Variants in OLIG2 observed in about 807,000 individuals in gnomAD.
OLIG2 encodes the protein oligodendrocyte transcription factor 2.
A neutral mutation model predicts 13.4 loss-of-function variants in OLIG2; 12 were observed. That is an observed-to-expected ratio of 0.90 (90% confidence interval 0.58 to 1.46). OLIG2 has a LOEUF of 1.46. Among genes scored for constraint, OLIG2 ranks in the 40% most tolerant of loss-of-function variants. The probability of loss-of-function intolerance (pLI) is 0.00; values close to 1 mark genes in which losing one functional copy is unlikely to be tolerated. For missense variants in OLIG2, 415 were observed against 487.9 expected, an observed-to-expected ratio of 0.85 and a Z score of 1.41; for synonymous variants, 250 against 233.6, an observed-to-expected ratio of 1.07 and a Z score of -0.64.
chr21:33,027,664 G>A lies in OLIG2; in HGVS notation c.802G>A (p.Ala268Thr). The A allele has an allele frequency of 3.6e-6, 5 of 1,396,272 alleles. No individual in the cohort carries two copies. Among genetic ancestry groups the A allele is most frequent in the Non-Finnish European group, 3.7e-6 (4 of 1,083,862 alleles). The allele number at this position is 1,396,272 out of a possible 1,614,324, so 86.5% of individuals were successfully genotyped here. The change falls in exon 2 of 2, where the codon GCG becomes ACG. Residue 268 changes from alanine to threonine, a missense_variant. Physicochemically the swap from Ala to Thr is moderately conservative, Grantham distance 58. This residue lies in a region of OLIG2 where 243 missense variants were observed against 241.2 expected (regional missense o/e 1.01). Transcript: ENST00000382357. ...CCTACTCAAGTCTCCGTCTGCTGCC[G>A]CGGCCGCCCCGCTGGGGGGCGGGGG... ...HGLLKSPSAA[A>T]AAPLGGGGGG...
rs1169868725 is a variant in OLIG2 at position 33,028,398 on chromosome 21, T to C, written c.*564T>C. 3 of 239,146 alleles carry C rather than the reference T, an allele frequency of 1.3e-5. No individual in the cohort carries two copies. Among genetic ancestry groups the C allele is most frequent in the Admixed American group, 5.7e-5 (1 of 17,490 alleles). 14.8% of individuals were successfully genotyped at this position (239,146 alleles called of 1,614,324 possible). On this transcript the variant is annotated 3_prime_UTR_variant, in exon 2 of 2. Coordinates refer to ENST00000382357, the MANE Select transcript of OLIG2 (RefSeq NM_005806.4). The stretch of plus-strand genomic sequence containing the variant: ...CCCAAGGCCAGGGGCCACAAGTTAG[T>C]TGGAAGCCGGCGTTCGGTATCAGAA...
In OLIG2 at chr21:33,026,738, C is replaced by G. The variant is rs1221659771; in HGVS notation, c.-62-63C>G. The G allele has an allele frequency of 4.6e-5, 41 of 900,774 alleles. No individual in the cohort carries two copies. The highest frequency in any genetic ancestry group is 5.9e-5 in the Non-Finnish European group (39 of 665,490). 55.8% of individuals were successfully genotyped at this position (900,774 alleles called of 1,614,324 possible). A position where few individuals can be genotyped will look rare whatever the true frequency, so the allele number is the denominator to read the frequency against. On this transcript the variant is annotated intron_variant, in intron 1 of 1. Coordinates refer to ENST00000382357, the MANE Select transcript of OLIG2 (RefSeq NM_005806.4). This position sits in a 1 kb window ranked among gnomAD's most constrained non-coding sequence, Gnocchi z 6.6. Reference sequence around the variant, plus strand: ...AGCTTTTCTGTCTCTCACTGACTCACTCTCTCTCTCTCTCCCTCTCTCTCT... The same window carrying G: ...AGCTTTTCTGTCTCTCACTGACTCAGTCTCTCTCTCTCTCCCTCTCTCTCT...
At position 33,027,674 on chromosome 21, in the gene OLIG2, C is replaced by T; in HGVS notation, c.812C>T (p.Pro271Leu). 2.9e-6 allele frequency: 4 copies of T among 1,380,000 alleles called. No homozygotes were observed. Among genetic ancestry groups the T allele is most frequent in the Non-Finnish European group, 3.7e-6 (4 of 1,075,370 alleles). 85.5% of individuals were successfully genotyped at this position (1,380,000 alleles called of 1,614,324 possible). A position where few individuals can be genotyped will look rare whatever the true frequency, so the allele number is the denominator to read the frequency against. Residue 271 changes from proline to leucine, a missense_variant, in exon 2 of 2, where the codon CCG becomes CTG. This residue lies in a region of OLIG2 where 243 missense variants were observed against 241.2 expected (regional missense o/e 1.01). Coordinates refer to ENST00000382357, the MANE Select transcript of OLIG2 (RefSeq NM_005806.4). Reference sequence around the variant, plus strand: ...TCTCCGTCTGCTGCCGCGGCCGCCCCGCTGGGGGGCGGGGGCGGCGGCAGT... The same window carrying T: ...TCTCCGTCTGCTGCCGCGGCCGCCCTGCTGGGGGGCGGGGGCGGCGGCAGT... ...LKSPSAAAAAPLGGGGGGSGA... is the reference protein window; with the variant it reads ...LKSPSAAAAALLGGGGGGSGA...
Position 33,027,120 on chromosome 21 carries a change from G to A in OLIG2, c.258G>A (p.Thr86=), listed in dbSNP as rs746950233. Residue 86 remains threonine, a synonymous_variant, in exon 2 of 2, where the codon ACG becomes ACA. Transcript: ENST00000382357. ...KSSSSSTSSS[T]SSAAASSTKK... is the part of the protein sequence containing the mutation. Reference sequence around the variant, plus strand: ...CCTCGTCCAGCACCTCGTCGTCTACGTCGTCGGCGGCTGCGTCGTCCACCA... The same window carrying A: ...CCTCGTCCAGCACCTCGTCGTCTACATCGTCGGCGGCTGCGTCGTCCACCA... The A allele has an allele frequency of 5.0e-6, 8 of 1,611,348 alleles. No homozygotes were observed. Among genetic ancestry groups the A allele is most frequent in the Non-Finnish European group, 6.8e-6 (8 of 1,179,076 alleles).
At position 33,027,913 on chromosome 21, in the gene OLIG2, G is replaced by C. The variant is rs980458397; in HGVS notation, c.*79G>C. 7.6e-6 allele frequency: 10 copies of C among 1,314,936 alleles called. No individual in the cohort carries two copies. The Admixed American group carries it at 3.3e-4, about 44-fold the overall frequency. The allele number at this position is 1,314,936 out of a possible 1,614,324, so 81.5% of individuals were successfully genotyped here. On this transcript the variant is annotated 3_prime_UTR_variant, in exon 2 of 2. Transcript: ENST00000382357. ...GCGAGGACTGGCCTGCGCTGGGCTC[G>C]GGAGCTCTGTCGCGAGGAGGGGCGC...
At position 33,026,885 on chromosome 21, in the gene OLIG2, T is replaced by C; in HGVS notation, c.23T>C (p.Val8Ala). MDSDASL[V>A]SSRPSSPEPD... is the part of the protein sequence containing the mutation. Reference sequence around the variant, plus strand: ...GCCATGGACTCGGACGCCAGCCTGGTGTCCAGCCGCCCGTCGTCGCCAGAG... The same window carrying C: ...GCCATGGACTCGGACGCCAGCCTGGCGTCCAGCCGCCCGTCGTCGCCAGAG... Residue 8 changes from valine (V) to alanine (A), a missense_variant, in exon 2 of 2, where the codon GTG becomes GCG. By Grantham distance (64) the Val-to-Ala change is moderately conservative. Coordinates refer to ENST00000382357, the MANE Select transcript of OLIG2 (RefSeq NM_005806.4). The surrounding 1 kb of genome is among the most constrained non-coding windows in gnomAD (Gnocchi z 6.6). The C allele has an allele frequency of 6.2e-7, 1 of 1,610,544 alleles. No individual in the cohort carries two copies.
chr21:33,026,741 TCTCTCTCTCTCC>T lies in OLIG2; in HGVS notation c.-62-48_-62-37del. The T allele has an allele frequency of 7.9e-7, 1 of 1,271,776 alleles. No individual in the cohort carries two copies. The allele number at this position is 1,271,776 out of a possible 1,614,324, so 78.8% of individuals were successfully genotyped here. On this transcript the variant is annotated intron_variant, in intron 1 of 1. Transcript: ENST00000382357. This position sits in a 1 kb window ranked among gnomAD's most constrained non-coding sequence, Gnocchi z 6.6. ...TTTTCTGTCTCTCACTGACTCACTC[TCTCTCTCTCTCC>T]CTCTCTCTCTCTCTCATTCTCTCTC...
Position 33,026,754 on chromosome 21 carries a change from CT to C in OLIG2, c.-62-46del. 1.0e-6 allele frequency: 1 copy of C among 964,352 alleles called. No individual in the cohort carries two copies. Among genetic ancestry groups the C allele is most frequent in the African/African-American group, 1.6e-5 (1 of 60,692 alleles). 59.7% of individuals were successfully genotyped at this position (964,352 alleles called of 1,614,324 possible). A position where few individuals can be genotyped will look rare whatever the true frequency, so the allele number is the denominator to read the frequency against. ...ACTGACTCACTCTCTCTCTCTCTCC[CT>C]CTCTCTCTCTCTCATTCTCTCTCTT... is the stretch of plus-strand genomic sequence containing the variant. On this transcript the variant is annotated intron_variant, in intron 1 of 1. Transcript: ENST00000382357. The surrounding 1 kb of genome is among the most constrained non-coding windows in gnomAD (Gnocchi z 6.6).
chr21:33,027,961 G>C lies in OLIG2; in HGVS notation c.*127G>C, dbSNP rs1478719866. 9.2e-7 allele frequency: 1 copy of C among 1,085,160 alleles called. No homozygotes were observed. Among genetic ancestry groups the C allele is most frequent in the African/African-American group, 1.7e-5 (1 of 60,232 alleles). The allele number at this position is 1,085,160 out of a possible 1,614,324, so 67.2% of individuals were successfully genotyped here. A position where few individuals can be genotyped will look rare whatever the true frequency, so the allele number is the denominator to read the frequency against. On this transcript the variant is annotated 3_prime_UTR_variant, in exon 2 of 2. Coordinates refer to ENST00000382357, the MANE Select transcript of OLIG2 (RefSeq NM_005806.4). Reference sequence around the variant, plus strand: ...CGCAGGACCATGGACTGGGGGTGGGGCATGGTGGGGATTCCAGCATCTGCG... The same window carrying C: ...CGCAGGACCATGGACTGGGGGTGGGCCATGGTGGGGATTCCAGCATCTGCG...
chr21:33,027,881 C>A lies in OLIG2; in HGVS notation c.*47C>A. 1 of 1,353,834 alleles carries A rather than the reference C, an allele frequency of 7.4e-7. No individual in the cohort carries two copies. The highest frequency in any genetic ancestry group is 9.5e-7 in the Non-Finnish European group (1 of 1,057,734). 83.9% of individuals were successfully genotyped at this position (1,353,834 alleles called of 1,614,324 possible). ...CTGGCGACAGGGGAGCCAGGGGCCG[C>A]GGGGAAGCGAGGACTGGCCTGCGCT... On this transcript the variant is annotated 3_prime_UTR_variant, in exon 2 of 2. Transcript: ENST00000382357.
In OLIG2 at chr21:33,027,449, C is replaced by G; in HGVS notation, c.587C>G (p.Ala196Gly). The G allele has an allele frequency of 6.7e-7, 1 of 1,495,142 alleles. No homozygotes were observed. Among genetic ancestry groups the G allele is most frequent in the South Asian group, 1.3e-5 (1 of 77,662 alleles). 92.6% of individuals were successfully genotyped at this position (1,495,142 alleles called of 1,614,324 possible). A position where few individuals can be genotyped will look rare whatever the true frequency, so the allele number is the denominator to read the frequency against. ...PSACGGLAHS[A>G]PLPAATAHPA... ...GCCTGCGGCGGCCTGGCGCACTCCG[C>G]GCCCCTGCCCGCCGCCACCGCGCAC... The change falls in exon 2 of 2, where the codon GCG (alanine) becomes GGG (glycine). Residue 196 changes from alanine (A) to glycine (G), a missense_variant. Coordinates refer to ENST00000382357, the MANE Select transcript of OLIG2 (RefSeq NM_005806.4).
Position 33,026,650 on chromosome 21 carries a change from C to G in OLIG2, c.-62-151C>G. On this transcript the variant is annotated intron_variant, in intron 1 of 1. Coordinates refer to ENST00000382357, the MANE Select transcript of OLIG2 (RefSeq NM_005806.4). This position sits in a 1 kb window ranked among gnomAD's most constrained non-coding sequence, Gnocchi z 6.6. ...GGGCCAGAGATAGTAGCGAGGGGGA[C>G]GAGGAGCCACGGGCCACCTGTGCCG... 1 of 610,458 alleles carries G rather than the reference C, an allele frequency of 1.6e-6. No individual in the cohort carries two copies. The highest frequency in any genetic ancestry group is 2.9e-6 in the Non-Finnish European group (1 of 349,780). 37.8% of individuals were successfully genotyped at this position (610,458 alleles called of 1,614,324 possible). A position where few individuals can be genotyped will look rare whatever the true frequency, so the allele number is the denominator to read the frequency against.
In OLIG2 at chr21:33,028,548, C is replaced by T. The variant is rs773540716; in HGVS notation, c.*714C>T. 4.1e-6 allele frequency: 1 copy of T among 241,678 alleles called. No homozygotes were observed. The highest frequency in any genetic ancestry group is 8.8e-6 in the Non-Finnish European group (1 of 114,088). The allele number at this position is 241,678 out of a possible 1,614,324, so 15.0% of individuals were successfully genotyped here. A position where few individuals can be genotyped will look rare whatever the true frequency, so the allele number is the denominator to read the frequency against. On this transcript the variant is annotated 3_prime_UTR_variant, in exon 2 of 2. Coordinates refer to ENST00000382357, the MANE Select transcript of OLIG2 (RefSeq NM_005806.4). ...GTTTTCTAATAAATCTGTGGATGTT[C>T]CTTCTTCAACAGTATGAGCAAGTTT...
chr21:33,026,729 A>C lies in OLIG2; in HGVS notation c.-62-72A>C. The C allele has an allele frequency of 8.8e-7, 1 of 1,135,804 alleles. No homozygotes were observed. The highest frequency in any genetic ancestry group is 1.2e-6 in the Non-Finnish European group (1 of 823,188). 70.4% of individuals were successfully genotyped at this position (1,135,804 alleles called of 1,614,324 possible). A position where few individuals can be genotyped will look rare whatever the true frequency, so the allele number is the denominator to read the frequency against. ...GGCGGGAGCAGCTTTTCTGTCTCTC[A>C]CTGACTCACTCTCTCTCTCTCTCCC... On this transcript the variant is annotated intron_variant, in intron 1 of 1. Coordinates refer to ENST00000382357, the MANE Select transcript of OLIG2 (RefSeq NM_005806.4). This position sits in a 1 kb window ranked among gnomAD's most constrained non-coding sequence, Gnocchi z 6.6.
chr21:33,027,850 C>T lies in OLIG2; in HGVS notation c.*16C>T. 2.2e-6 allele frequency: 3 copies of T among 1,373,064 alleles called. No individual in the cohort carries two copies. Among genetic ancestry groups the T allele is most frequent in the Non-Finnish European group, 1.9e-6 (2 of 1,069,884 alleles). 85.1% of individuals were successfully genotyped at this position (1,373,064 alleles called of 1,614,324 possible). A position where few individuals can be genotyped will look rare whatever the true frequency, so the allele number is the denominator to read the frequency against. ...CGCCAAGTGAGCCGACTGGCGCCGGCGCGTTCTGGCGACAGGGGAGCCAGG... is the reference window on the plus strand; with the variant it reads ...CGCCAAGTGAGCCGACTGGCGCCGGTGCGTTCTGGCGACAGGGGAGCCAGG... On this transcript the variant is annotated 3_prime_UTR_variant, in exon 2 of 2. Coordinates refer to ENST00000382357, the MANE Select transcript of OLIG2 (RefSeq NM_005806.4).
At position 33,027,935 on chromosome 21, in the gene OLIG2, G is replaced by T. The variant is rs1208123360; in HGVS notation, c.*101G>T. 7.9e-7 allele frequency: 1 copy of T among 1,264,816 alleles called. No homozygotes were observed. Among genetic ancestry groups the T allele is most frequent in the African/African-American group, 1.6e-5 (1 of 63,576 alleles). 78.3% of individuals were successfully genotyped at this position (1,264,816 alleles called of 1,614,324 possible). On this transcript the variant is annotated 3_prime_UTR_variant, in exon 2 of 2. Transcript: ENST00000382357. The stretch of plus-strand genomic sequence containing the variant: ...CTCGGGAGCTCTGTCGCGAGGAGGG[G>T]CGCAGGACCATGGACTGGGGGTGGG...
rs768137245 is a variant in OLIG2, at chr21:33,026,966, C to G, written c.104C>G (p.Thr35Ser). 1.7e-5 allele frequency: 28 copies of G among 1,612,624 alleles called. No individual in the cohort carries two copies. In the South Asian group the frequency reaches 2.6e-4, roughly 15 times the overall value. ...AAGGGCAGCAGCGGCAGCGCCTTCACTGGGGGCACCGTGTCCTCGTCCACC... is the reference window on the plus strand; with the variant it reads ...AAGGGCAGCAGCGGCAGCGCCTTCAGTGGGGGCACCGTGTCCTCGTCCACC... ...RSKGSSGSAF[T>S]GGTVSSSTPS... The change falls in exon 2 of 2, where the codon ACT (threonine) becomes AGT (serine). Residue 35 changes from threonine (T) to serine (S), a missense_variant. Thr to Ser is a moderately conservative substitution (Grantham distance 58). Coordinates refer to ENST00000382357, the MANE Select transcript of OLIG2 (RefSeq NM_005806.4). The surrounding 1 kb of genome is among the most constrained non-coding windows in gnomAD (Gnocchi z 6.6).
rs1275582482 is a variant in OLIG2 at position 33,026,654 on chromosome 21, G to A, written c.-62-147G>A. 1 of 619,528 alleles carries A rather than the reference G, an allele frequency of 1.6e-6. No homozygotes were observed. The highest frequency in any genetic ancestry group is 2.8e-6 in the Non-Finnish European group (1 of 357,766). The allele number at this position is 619,528 out of a possible 1,614,324, so 38.4% of individuals were successfully genotyped here. A position where few individuals can be genotyped will look rare whatever the true frequency, so the allele number is the denominator to read the frequency against. ...CAGAGATAGTAGCGAGGGGGACGAG[G>A]AGCCACGGGCCACCTGTGCCGGGAC... On this transcript the variant is annotated intron_variant, in intron 1 of 1. Transcript: ENST00000382357. The surrounding 1 kb of genome is among the most constrained non-coding windows in gnomAD (Gnocchi z 6.6).
At position 33,028,875 on chromosome 21, in the gene OLIG2, C is replaced by G; in HGVS notation, c.*1041C>G. ...TGCGCAATGCTAAGCTGTTTGCTCA[C>G]GTGACTGCCAGCCCCATCGGAGTCT... On this transcript the variant is annotated 3_prime_UTR_variant, in exon 2 of 2. Coordinates refer to ENST00000382357, the MANE Select transcript of OLIG2 (RefSeq NM_005806.4). The G allele has an allele frequency of 4.1e-6, 1 of 242,506 alleles. No homozygotes were observed. The highest frequency in any genetic ancestry group is 6.3e-5 in the East Asian group (1 of 15,914). The allele number at this position is 242,506 out of a possible 1,614,324, so 15.0% of individuals were successfully genotyped here. A position where few individuals can be genotyped will look rare whatever the true frequency, so the allele number is the denominator to read the frequency against.
Sources: allele counts gnomAD v4.1 joint callset, GRCh38; gene constraint gnomAD v4.1.1; regional missense constraint gnomAD v4.1.1; non-coding constraint Gnocchi (gnomAD v3.1); transcripts MANE v1.5; gene names NCBI Gene and HGNC (gene_info 2026-07-23, HGNC 2026-07-21).